PDGFD: variants seen among roughly 807,000 people sequenced by gnomAD.
The protein encoded by PDGFD is platelet-derived growth factor D.
PDGFD carries 30 observed loss-of-function variants against 44.7 expected under a neutral mutation model. The observed-to-expected ratio is 0.67, with a 90% CI of 0.50 to 0.91. The LOEUF (loss-of-function observed/expected upper bound fraction) is 0.91, where lower values mean the gene tolerates loss of function less well. Among genes scored for constraint, PDGFD ranks in the 40% least tolerant of loss-of-function variants. PDGFD has a pLI of 0.00. For missense variants in PDGFD, 445 were observed against 457.8 expected (o/e 0.97, Z 0.25); for synonymous variants, 173 against 168.4 (o/e 1.03, Z -0.21).
At chr11:104,070,759 T>C (rs1028731746) in intron 1 of PDGFD, among the ~76,000 whole-genome samples, 3 of 152,188 alleles carry the variant, frequency 2.0e-5, no homozygotes, top group African/African-American at 7.2e-5. Flanking sequence ...CAGAACTCTA[T>C]GGACATGTCA....
intron 5 of PDGFD, among the ~76,000 whole-genome samples, chr11:103,936,046 T>C (rs1439893026): frequency 6.6e-6 from 1 of 152,212 alleles, no homozygotes; most frequent in Non-Finnish European, 1.5e-5. Context: ...AATAAAACTT[T>C]CACTTGGTAA....
chr11:103,911,926 CA>C lies in PDGFD; in HGVS notation c.988-2108del, dbSNP rs992638841. Among the ~76,000 whole-genome samples, 8 of 150,056 alleles carry C rather than the reference CA, an allele frequency of 5.3e-5. No homozygotes were observed. The East Asian group carries it at 8.0e-4, about 15-fold the overall frequency. On this transcript the variant is annotated intron_variant, in intron 6 of 6. Transcript: ENST00000393158. ...AAAAGAAAGTGAGAAGACAAGATTA[CA>C]GAAAAAAGAGTGAAAAGAAACAAAC...
At chr11:104,137,185 T>A (rs1862019723) in intron 1 of PDGFD, among the ~76,000 whole-genome samples, 2 of 152,196 alleles carry the variant, frequency 1.3e-5, no homozygotes, top group South Asian at 4.1e-4. Flanking sequence ...TAAATCTTTC[T>A]GTTGTTTAGA....
At chr11:104,032,190 A>G (rs1860137103) in intron 1 of PDGFD, among the ~76,000 whole-genome samples, 2 of 151,980 alleles carry the variant, frequency 1.3e-5, no homozygotes, top group Admixed American at 1.3e-4. Flanking sequence ...ATACAACAAC[A>G]ACAACAAAAA....
intron 1 of PDGFD, among the ~76,000 whole-genome samples, chr11:104,107,179 A>C (rs1458956592): frequency 6.6e-6 from 1 of 152,200 alleles, no homozygotes; most frequent in East Asian, 1.9e-4. Context: ...AGTTCATCAG[A>C]AGGGAGATTA....
At chr11:103,963,322 G>T (rs1419001386) in intron 3 of PDGFD, among the ~76,000 whole-genome samples, 2 of 152,084 alleles carry the variant, frequency 1.3e-5, no homozygotes, top group South Asian at 4.1e-4. Flanking sequence ...CACTATATGA[G>T]CTGGGTATAG....
intron 1 of PDGFD, chr11:104,038,537 T>C (rs980764306): frequency 1.9e-4 from 33 of 169,352 alleles, no homozygotes; most frequent in Non-Finnish European, 1.0e-4. Context: ...CTAATACTTA[T>C]ACATGTCTGT....
chr11:103,918,442 A>G (rs763984668), intron 6 of PDGFD, among the ~76,000 whole-genome samples: 10 of 152,212 alleles, frequency 6.6e-5, no homozygotes, highest in Admixed American at 3.9e-4. Context: ...TTTAAAGAAG[A>G]CTGTTATCAA....
In PDGFD at chr11:104,114,957, T is replaced by C. The variant is rs1306391992; in HGVS notation, c.124+48847A>G. Among the ~76,000 whole-genome samples, 3 of 151,772 alleles carry C rather than the reference T, an allele frequency of 2.0e-5. No homozygotes were observed. In the Admixed American group the frequency reaches 2.0e-4, roughly 10 times the overall value. On this transcript the variant is annotated intron_variant, in intron 1 of 6. Transcript: ENST00000393158. ...GGTGGTGTTTGGTTAAATGAGTAAG[T>C]TCTTTAGTGGTGATTTGTGAGATAT...
chr11:103,911,568 T>C (rs11500961), intron 6 of PDGFD, among the ~76,000 whole-genome samples: 49,840 of 151,742 alleles, frequency 0.33, 8,363 homozygotes, highest in East Asian at 0.45. Flanking sequence ...GAACTCCTCT[T>C]CTCAACCAAA....
intron 1 of PDGFD, among the ~76,000 whole-genome samples, chr11:104,110,267 T>G (rs549526701): frequency 6.6e-6 from 1 of 152,152 alleles, no homozygotes; most frequent in South Asian, 2.1e-4. Context: ...TTCTATACAT[T>G]ATTTGTACAA....
intron 1 of PDGFD, among the ~76,000 whole-genome samples, chr11:104,017,448 C>T (rs181721662): frequency 6.6e-6 from 1 of 152,180 alleles, no homozygotes; most frequent in Non-Finnish European, 1.5e-5. Context: ...TGAGTCACAG[C>T]CCATGTTTTA....
intron 3 of PDGFD, among the ~76,000 whole-genome samples, chr11:103,957,217 T>C (rs915820647): frequency 1.3e-5 from 2 of 152,202 alleles, no homozygotes; most frequent in African/African-American, 2.4e-5. Context: ...CTTTAATCTA[T>C]CTTGAATTAA....
At chr11:104,005,938 G>C (rs1859695757) in intron 1 of PDGFD, among the ~76,000 whole-genome samples, 1 of 152,166 alleles carries the variant, frequency 6.6e-6, no homozygotes, top group Non-Finnish European at 1.5e-5. Flanking sequence ...AACACAGAAA[G>C]ATGTTCACAT....
intron 1 of PDGFD, among the ~76,000 whole-genome samples, chr11:104,134,691 A>G (rs1238703359): frequency 6.6e-6 from 1 of 152,198 alleles, no homozygotes; most frequent in Non-Finnish European, 1.5e-5. Flanking sequence ...ATTTCAGTTA[A>G]GAACACGAAG....
intron 1 of PDGFD, among the ~76,000 whole-genome samples, chr11:104,147,537 A>G (rs1862181260): frequency 1.3e-5 from 2 of 152,142 alleles, no homozygotes; most frequent in African/African-American, 4.8e-5. Flanking sequence ...TTGCTGTAAT[A>G]TTTTTTATTA....
chr11:104,103,131 T>C (rs1014186493), intron 1 of PDGFD, among the ~76,000 whole-genome samples: 9 of 152,130 alleles, frequency 5.9e-5, no homozygotes. Context: ...TCACTTACCA[T>C]TTCTGTGACT....
intron 1 of PDGFD, among the ~76,000 whole-genome samples, chr11:104,081,122 G>T (rs537134959): frequency 2.0e-5 from 3 of 150,838 alleles, no homozygotes; most frequent in African/African-American, 4.9e-5. Context: ...GTTTATTTTT[G>T]TTTTTTTTTA....
chr11:103,947,281 C>T (rs560868623), intron 4 of PDGFD, among the ~76,000 whole-genome samples: 11 of 152,188 alleles, frequency 7.2e-5, no homozygotes, highest in South Asian at 2.1e-4. Context: ...CAAAGGTTAA[C>T]GTCTTCCCCA....
Sources: gnomAD v4.1 joint callset for allele counts (sites outside exome capture counted in the v4.1 genomes callset) on GRCh38, gnomAD v4.1.1 for gene constraint, MANE v1.5 for transcripts, NCBI Gene and HGNC (gene_info 2026-07-23, HGNC 2026-07-21) for gene names.